The following PDCD6IP variants were observed in gnomAD, a reference collection of about 807,000 sequenced individuals.
PDCD6IP encodes programmed cell death 6 interacting protein.
Under a neutral mutation model 103.7 loss-of-function variants are expected in PDCD6IP, and 43 were observed. The ratio of observed to expected loss-of-function variants is 0.41; its 90% CI spans 0.32 to 0.53. The LOEUF is 0.53. Among genes scored for constraint, PDCD6IP ranks in the 20% least tolerant of loss-of-function variants. PDCD6IP has a pLI of 0.16. For missense variants in PDCD6IP, 871 were observed against 1,036.7 expected (o/e 0.84, Z 2.20); for synonymous variants, 354 against 378.7 (o/e 0.93, Z 0.76).
chr3:33,827,701 A>G (rs1269386488), intron 6 of PDCD6IP: 3 of 152,182 alleles, frequency 2.0e-5, no homozygotes, highest in Non-Finnish European at 4.4e-5. Context: ...GAAGAAAGTC[A>G]CCTACAAAGA....
intron 6 of PDCD6IP, chr3:33,827,055 G>C (rs1281849136): frequency 3.0e-6 from 3 of 985,212 alleles, no homozygotes; most frequent in Non-Finnish European, 3.6e-6. Context: ...TTAGAATTCA[G>C]TTTTGCCAAC....
At chr3:33,810,692 G>C (rs1358976690) in intron 1 of PDCD6IP, among the ~76,000 whole-genome samples, 1 of 152,110 alleles carries the variant, frequency 6.6e-6, no homozygotes, top group African/African-American at 2.4e-5. Context: ...CTGTAGTCCT[G>C]GCAGCTCAGG....
chr3:33,845,754 A>G (rs1236942387), intron 12 of PDCD6IP, among the ~76,000 whole-genome samples, 166 bp downstream of exon 12: 3 of 152,260 alleles, frequency 2.0e-5, no homozygotes, highest in African/African-American at 4.8e-5. Context: ...ATAGATAATT[A>G]TACTAATATT....
At chr3:33,813,509 T>A (rs753835894) in intron 2 of PDCD6IP, 50 bp from the exon 3 acceptor site, 2 of 1,087,676 alleles carry the variant, frequency 1.8e-6, no homozygotes, top group Non-Finnish European at 2.7e-6. Flanking sequence ...TAATATTTAA[T>A]GAGATTCAGG....
At chr3:33,824,072 A>G (rs1575915438) in intron 4 of PDCD6IP, among the ~76,000 whole-genome samples, 1 of 152,252 alleles carries the variant, frequency 6.6e-6, no homozygotes, top group Non-Finnish European at 1.5e-5. Flanking sequence ...TCTGTAAATG[A>G]GAGACTCAGA....
intron 6 of PDCD6IP, 130 bp downstream of exon 6, chr3:33,826,710 T>C: frequency 1.4e-6 from 2 of 1,388,346 alleles, no homozygotes. Flanking sequence ...AAGTATATAG[T>C]AGAAATAGTT....
rs56568047 is a variant in PDCD6IP at position 33,852,790 on chromosome 3, T to C, written c.1890+54T>C. The C allele has an allele frequency of 1.2e-5, 18 of 1,515,648 alleles. No individual in the cohort carries two copies. In the African/African-American group the frequency reaches 2.0e-4, roughly 17 times the overall value. 93.9% of individuals were successfully genotyped at this position (1,515,648 alleles called of 1,614,324 possible). A position where few individuals can be genotyped will look rare whatever the true frequency, so the allele number is the denominator to read the frequency against. On this transcript the variant is annotated intron_variant, in intron 13 of 17. Coordinates refer to ENST00000307296, the MANE Select transcript of PDCD6IP (RefSeq NM_013374.6). The stretch of plus-strand genomic sequence containing the variant: ...TGTTTTAAAAATTACAGAAAAGATA[T>C]GTCTGGACTAAACCTATATTCAGTT...
chr3:33,808,657 C>T (rs7627622), intron 1 of PDCD6IP, among the ~76,000 whole-genome samples: 4,218 of 152,256 alleles, frequency 0.028, 65 homozygotes, highest in African/African-American at 0.046. Flanking sequence ...TGGATTACTA[C>T]GGTAGCTTCC....
intron 15 of PDCD6IP, among the ~76,000 whole-genome samples, chr3:33,862,582 A>G (rs1697977426): frequency 6.6e-6 from 1 of 152,178 alleles, no homozygotes; most frequent in Non-Finnish European, 1.5e-5. Context: ...TTTCAGCAAT[A>G]TATCTTTCAT....
At chr3:33,831,227 A>G (rs890250657) in intron 7 of PDCD6IP, among the ~76,000 whole-genome samples, 1 of 142,180 alleles carries the variant, frequency 7.0e-6, no homozygotes, top group Non-Finnish European at 1.5e-5. Flanking sequence ...TCAAAAAGAT[A>G]CAGAAACACA....
intron 15 of PDCD6IP, among the ~76,000 whole-genome samples, chr3:33,858,667 G>A (rs1305778071): frequency 6.6e-6 from 1 of 152,050 alleles, no homozygotes; most frequent in Non-Finnish European, 1.5e-5. Flanking sequence ...AAAACTAGCT[G>A]GGCGTGGTGG....
intron 4 of PDCD6IP, among the ~76,000 whole-genome samples, chr3:33,823,243 C>T (rs1697035009): frequency 6.6e-6 from 1 of 152,118 alleles, no homozygotes; most frequent in Non-Finnish European, 1.5e-5. Flanking sequence ...TTCCAAATGT[C>T]CTTCCACTGT....
rs1318018050 is a variant in PDCD6IP at position 33,867,982 on chromosome 3, A to G, written c.*1457A>G. On this transcript the variant is annotated 3_prime_UTR_variant, in exon 18 of 18. Transcript: ENST00000307296. ...AGGGAGTGAATTGGTTTAAAAATAT[A>G]TGTATATTTTAAACTTTGTTGTGTG... 2.6e-5 allele frequency: 4 copies of G among 152,234 alleles called. No individual in the cohort carries two copies. The highest frequency in any genetic ancestry group is 5.9e-5 in the Non-Finnish European group (4 of 68,036). The allele number at this position is 152,234 out of a possible 1,614,324, so 9.4% of individuals were successfully genotyped here. A position where few individuals can be genotyped will look rare whatever the true frequency, so the allele number is the denominator to read the frequency against.
chr3:33,830,403 T>A (rs764528264), intron 7 of PDCD6IP, among the ~76,000 whole-genome samples: 2 of 152,188 alleles, frequency 1.3e-5, no homozygotes, highest in Non-Finnish European at 2.9e-5. Context: ...TAAGCCCATA[T>A]TTAGTCTCTA....
rs774678745 is a variant in PDCD6IP, at chr3:33,826,839, C to A, written c.717+259C>A. ...TAGAACTCTTTCTGGAAAATGTTGACCATCTGTTTTCAATACTTTTATCAA... is the reference window on the plus strand; with the variant it reads ...TAGAACTCTTTCTGGAAAATGTTGAACATCTGTTTTCAATACTTTTATCAA... On this transcript the variant is annotated intron_variant, in intron 6 of 17. Coordinates refer to ENST00000307296, the MANE Select transcript of PDCD6IP (RefSeq NM_013374.6). The A allele has an allele frequency of 5.9e-5, 73 of 1,232,288 alleles. No homozygotes were observed. In the Admixed American group the frequency reaches 7.9e-4, roughly 13 times the overall value. The allele number at this position is 1,232,288 out of a possible 1,614,324, so 76.3% of individuals were successfully genotyped here.
chr3:33,836,915 A>T (rs980993801), intron 8 of PDCD6IP, among the ~76,000 whole-genome samples: 1 of 150,998 alleles, frequency 6.6e-6, no homozygotes, highest in Non-Finnish European at 1.5e-5. Flanking sequence ...AAAAATATAT[A>T]TTTTTTTCTT....
chr3:33,868,551 C>G lies in PDCD6IP; in HGVS notation c.*2026C>G, dbSNP rs1381273421. On this transcript the variant is annotated 3_prime_UTR_variant, in exon 18 of 18. Coordinates refer to ENST00000307296, the MANE Select transcript of PDCD6IP (RefSeq NM_013374.6). ...ACCTTTTAAATGTAGCAACACAAAC[C>G]CTTTCCCTCTTGTCAGTTCACTCAT... is the stretch of plus-strand genomic sequence containing the variant. The G allele has an allele frequency of 2.0e-5, 3 of 152,600 alleles. No individual in the cohort carries two copies. Among genetic ancestry groups the G allele is most frequent in the Non-Finnish European group, 4.4e-5 (3 of 68,044 alleles). 9.5% of individuals were successfully genotyped at this position (152,600 alleles called of 1,614,324 possible).
At chr3:33,818,747 G>T (rs1696921259) in intron 3 of PDCD6IP, among the ~76,000 whole-genome samples, 1 of 151,716 alleles carries the variant, frequency 6.6e-6, no homozygotes, top group Admixed American at 6.6e-5. Flanking sequence ...TTGTTCTCTT[G>T]ACCTCGTGAT....
At chr3:33,855,130 T>C in intron 14 of PDCD6IP, 36 bp from the exon 15 acceptor site, 1 of 1,325,434 alleles carries the variant, frequency 7.5e-7, no homozygotes, top group East Asian at 2.3e-5. Context: ...AAAAAATTGT[T>C]CTTGTTCCTT....
Sources: allele counts gnomAD v4.1 joint callset (sites outside exome capture counted in the v4.1 genomes callset), GRCh38; gene constraint gnomAD v4.1.1; transcripts MANE v1.5; gene names NCBI Gene and HGNC (gene_info 2026-07-23, HGNC 2026-07-21).